The following PARD3 variants were observed in gnomAD, a reference collection of about 807,000 sequenced individuals.
PARD3 encodes the protein partitioning defective 3 homolog.
A neutral mutation model predicts 155.4 loss-of-function variants in PARD3; 75 were observed. The ratio of observed to expected loss-of-function variants is 0.48; its 90% CI spans 0.40 to 0.58. The LOEUF (loss-of-function observed/expected upper bound fraction) is 0.58, where lower values mean the gene tolerates loss of function less well. PARD3 is among the 20% of genes least tolerant of loss of function. The pLI is 0.00. For missense variants in PARD3, 1,642 were observed against 1,721.7 expected (o/e 0.95, Z 0.82); for synonymous variants, 576 against 610.5 (o/e 0.94, Z 0.83).
intron 2 of PARD3, among the ~76,000 whole-genome samples, chr10:34,519,837 T>TAACATAACATAACATAACATAACATA (rs1554884072): frequency 5.3e-5 from 8 of 149,714 alleles, no homozygotes; most frequent in African/African-American, 2.0e-4. Context: ...TAACATAACA[T>TAACATAACATAACATAACATAACATA]AACATAACAT....
intron 22 of PARD3, among the ~76,000 whole-genome samples, chr10:34,195,164 C>A (rs1322214864): frequency 6.6e-6 from 1 of 152,194 alleles, no homozygotes; most frequent in Non-Finnish European, 1.5e-5. Context: ...AAAAGTTGAA[C>A]ACAATTAATC....
chr10:34,207,717 T>C (rs1382539636), intron 22 of PARD3, among the ~76,000 whole-genome samples: 3 of 152,214 alleles, frequency 2.0e-5, no homozygotes, highest in Non-Finnish European at 4.4e-5. Context: ...TTTATGGACA[T>C]TCCAACTGAT....
intron 2 of PARD3, among the ~76,000 whole-genome samples, chr10:34,595,944 T>TTG (rs907943933): frequency 6.6e-6 from 1 of 152,138 alleles, no homozygotes; most frequent in African/African-American, 2.4e-5. Flanking sequence ...CTCCCCAACA[T>TTG]TGTGAGACCC....
At chr10:34,681,860 G>C (rs1383072873) in intron 2 of PARD3, among the ~76,000 whole-genome samples, 2 of 129,976 alleles carry the variant, frequency 1.5e-5, no homozygotes, top group African/African-American at 5.9e-5. Flanking sequence ...GGCTCAAGCA[G>C]ACCTCCCACT....
intron 2 of PARD3, among the ~76,000 whole-genome samples, chr10:34,540,674 G>A (rs1016441567): frequency 6.6e-6 from 1 of 152,054 alleles, no homozygotes; most frequent in African/African-American, 2.4e-5. Flanking sequence ...TCAACTAGTC[G>A]AAAGACTGAG....
chr10:34,535,378 A>G (rs956328918), intron 2 of PARD3, among the ~76,000 whole-genome samples: 2 of 152,206 alleles, frequency 1.3e-5, no homozygotes, highest in African/African-American at 4.8e-5. Context: ...GGAAGTCAAA[A>G]CGGATACCAG....
chr10:34,257,413 G>C (rs1349484596), intron 22 of PARD3, among the ~76,000 whole-genome samples: 2 of 152,184 alleles, frequency 1.3e-5, no homozygotes, highest in African/African-American at 2.4e-5. Context: ...CAAGTGATTA[G>C]GTCAAAATAA....
At chr10:34,799,715 G>T (rs1219342492) in intron 1 of PARD3, among the ~76,000 whole-genome samples, 1 of 152,062 alleles carries the variant, frequency 6.6e-6, no homozygotes, top group Non-Finnish European at 1.5e-5. Context: ...AGCCGGCTGG[G>T]TACGGTGGCT....
At chr10:34,716,791 C>T (rs1290688208) in intron 1 of PARD3, among the ~76,000 whole-genome samples, 1 of 151,858 alleles carries the variant, frequency 6.6e-6, no homozygotes, top group African/African-American at 2.4e-5. Flanking sequence ...AGGGTTTCTC[C>T]ATGTTGGTCA....
At chr10:34,484,995 A>T (rs985563973) in intron 3 of PARD3, among the ~76,000 whole-genome samples, 5 of 152,128 alleles carry the variant, frequency 3.3e-5, no homozygotes, top group Admixed American at 6.5e-5. Flanking sequence ...TCACTGTCAT[A>T]TCCACAGAGG....
intron 22 of PARD3, among the ~76,000 whole-genome samples, chr10:34,142,342 G>T (rs1302614516): frequency 6.6e-6 from 1 of 151,786 alleles, no homozygotes; most frequent in Non-Finnish European, 1.5e-5. Flanking sequence ...AGTAGTTTGA[G>T]ACAAGCCTGG....
intron 1 of PARD3, among the ~76,000 whole-genome samples, chr10:34,743,733 T>C (rs1023764809): frequency 2.6e-5 from 4 of 152,162 alleles, no homozygotes; most frequent in South Asian, 2.1e-4. Context: ...CACATGAAGA[T>C]TGAACCTGCA....
intron 3 of PARD3, among the ~76,000 whole-genome samples, chr10:34,513,171 AT>A (rs1302319325): frequency 6.6e-6 from 1 of 152,168 alleles, no homozygotes; most frequent in Non-Finnish European, 1.5e-5. Context: ...TCATTTTATA[AT>A]TGTGTAAAAG....
intron 1 of PARD3, among the ~76,000 whole-genome samples, chr10:34,736,729 A>C (rs2094923111): frequency 6.6e-6 from 1 of 151,496 alleles, no homozygotes; most frequent in Admixed American, 6.6e-5. Context: ...GGCTGGAGTG[A>C]AGTGGTGCAA....
intron 2 of PARD3, among the ~76,000 whole-genome samples, chr10:34,632,818 G>A (rs2092323168): frequency 6.6e-6 from 1 of 152,200 alleles, no homozygotes; most frequent in African/African-American, 2.4e-5. Flanking sequence ...CAAACAGAAG[G>A]AATCAATTAT....
chr10:34,327,541 TGCCTAC>T (rs1204580698), intron 19 of PARD3, among the ~76,000 whole-genome samples: 7 of 152,128 alleles, frequency 4.6e-5, no homozygotes, highest in African/African-American at 1.7e-4. Flanking sequence ...CAATCAACCA[TGCCTAC>T]GCCTATGTGT....
intron 1 of PARD3, among the ~76,000 whole-genome samples, chr10:34,751,893 C>A (rs1430687501): frequency 1.3e-5 from 2 of 151,932 alleles, no homozygotes; most frequent in African/African-American, 4.8e-5. Context: ...CCAACCTGGG[C>A]CACCTCACCT....
chr10:34,528,238 T>C lies in PARD3; in HGVS notation c.223-11079A>G, dbSNP rs534011176. ...AAATACTAGTGCCATCTAATGGACT[T>C]AGTCAAGCACAAAGAGTTTAAAAAT... On this transcript the variant is annotated intron_variant, in intron 2 of 24. Coordinates refer to ENST00000374788, the MANE Select transcript of PARD3 (RefSeq NM_001184785.2). 5.3e-5 allele frequency among the ~76,000 whole-genome samples: 8 copies of C among 152,352 alleles called. No homozygotes were observed. In the South Asian group the frequency reaches 1.4e-3, roughly 28 times the overall value.
chr10:34,341,759 TCTATA>T lies in PARD3; in HGVS notation c.2271_2275del (p.Ile758ArgfsTer2). 6.2e-7 allele frequency: 1 copy of T among 1,613,610 alleles called. No homozygotes were observed. Among genetic ancestry groups the T allele is most frequent in the Non-Finnish European group, 8.5e-7 (1 of 1,179,560 alleles). ...AGGAAGCACTGGCAACCTGTCATCT[TCTATA>T]ATGACAGTGTCATCTTGGGGCATAT... On this transcript the variant is annotated frameshift_variant, in exon 16 of 25. Transcript: ENST00000374788. LOFTEE classifies it high-confidence loss of function.
Sources: allele counts gnomAD v4.1 joint callset (sites outside exome capture counted in the v4.1 genomes callset), GRCh38; gene constraint gnomAD v4.1.1; transcripts MANE v1.5; gene names NCBI Gene and HGNC (gene_info 2026-07-23, HGNC 2026-07-21).